The following GNAI1 variants were observed in gnomAD, a reference collection of about 807,000 sequenced individuals.
The protein encoded by GNAI1 is G protein subunit alpha i1.
Under a neutral mutation model 38.9 loss-of-function variants are expected in GNAI1, and 11 were observed. The observed-to-expected ratio is 0.28, with a 90% CI of 0.18 to 0.47. The LOEUF is 0.47. Ranked by LOEUF, GNAI1 falls within the 20% of genes least tolerant of loss-of-function variation. GNAI1 has a pLI of 0.99. For missense variants in GNAI1, 317 were observed against 436.9 expected (o/e 0.73, Z 2.45); for synonymous variants, 166 against 145.1 (o/e 1.14, Z -1.04).
In GNAI1 at chr7:80,137,317, C is replaced by CTTTTTTTT. The variant is rs398005254; in HGVS notation, c.118+2053_118+2060dup. 7.2e-3 allele frequency among the ~76,000 whole-genome samples: 390 copies of CTTTTTTTT among 53,860 alleles called. 15 individuals carry two copies. Among genetic ancestry groups the CTTTTTTTT allele is most frequent in the Middle Eastern group, 0.019 (1 of 52 alleles). 35.3% of individuals were successfully genotyped at this position (53,860 alleles called of 152,430 possible). A position where few individuals can be genotyped will look rare whatever the true frequency, so the allele number is the denominator to read the frequency against. ...TCTTTTTTTTTTTTTCTTTTCTTTT[C>CTTTTTTTT]TTTTTTTTTTTTTTTTTTTTTGAGA... On this transcript the variant is annotated intron_variant, in intron 1 of 7. Transcript: ENST00000649796.
rs151026717 is a variant in GNAI1 at position 80,215,163 on chromosome 7, A to G, written c.875-2140A>G. 6.6e-5 allele frequency among the ~76,000 whole-genome samples: 10 copies of G among 152,278 alleles called. No homozygotes were observed. In the East Asian group the frequency reaches 1.9e-3, roughly 29 times the overall value. ...CAATTCTATCACACATTAAAAAACA[A>G]TCTATCATATTTGCTCTCCTGTCCC... On this transcript the variant is annotated intron_variant, in intron 7 of 7. Coordinates refer to ENST00000649796, the MANE Select transcript of GNAI1 (RefSeq NM_002069.6).
intron 3 of GNAI1, among the ~76,000 whole-genome samples, chr7:80,191,655 G>A (rs1332178323): frequency 2.6e-5 from 4 of 152,120 alleles, no homozygotes; most frequent in African/African-American, 9.7e-5. Context: ...GCCTCCCAAA[G>A]TGCTAGGATT....
At chr7:80,186,987 A>G (rs952606961) in intron 1 of GNAI1, 10 of 152,212 alleles carry the variant, frequency 6.6e-5, no homozygotes, top group Non-Finnish European at 1.0e-4. Context: ...AGATGCCCTG[A>G]AAGATTCAAA....
At chr7:80,155,417 C>A (rs919316623) in intron 1 of GNAI1, among the ~76,000 whole-genome samples, 1 of 152,086 alleles carries the variant, frequency 6.6e-6, no homozygotes, top group Admixed American at 6.6e-5. Context: ...TTTCTTTGGG[C>A]CTCTGTAAGG....
chr7:80,200,464 A>AACCT (rs1788665922), intron 4 of GNAI1, among the ~76,000 whole-genome samples: 1 of 151,946 alleles, frequency 6.6e-6, no homozygotes, highest in Admixed American at 6.6e-5. Flanking sequence ...TTGCTCTTAA[A>AACCT]ACCTATGTTG....
chr7:80,143,285 A>G (rs1787558716), intron 1 of GNAI1, among the ~76,000 whole-genome samples: 1 of 152,202 alleles, frequency 6.6e-6, no homozygotes, highest in South Asian at 2.1e-4. Context: ...AGAAAAAATA[A>G]AATAGATACT....
chr7:80,138,578 C>G (rs1212669018), intron 1 of GNAI1, among the ~76,000 whole-genome samples: 2 of 151,902 alleles, frequency 1.3e-5, no homozygotes, highest in Non-Finnish European at 2.9e-5. Flanking sequence ...ATTTATCATC[C>G]TTTTAAGGGC....
At chr7:80,147,067 T>C (rs904766757) in intron 1 of GNAI1, among the ~76,000 whole-genome samples, 1 of 152,182 alleles carries the variant, frequency 6.6e-6, no homozygotes, top group Non-Finnish European at 1.5e-5. Flanking sequence ...AATGAATCTT[T>C]TATGATTTGG....
chr7:80,151,938 A>T (rs1355644642), intron 1 of GNAI1, among the ~76,000 whole-genome samples: 1 of 152,248 alleles, frequency 6.6e-6, no homozygotes, highest in African/African-American at 2.4e-5. Context: ...CAGAGCTGTT[A>T]GTACATGGCC....
At chr7:80,199,183 A>G in intron 3 of GNAI1, 42 bp from the exon 4 acceptor site, 1 of 1,422,904 alleles carries the variant, frequency 7.0e-7, no homozygotes, top group South Asian at 1.4e-5. Flanking sequence ...TTTATCTCTG[A>G]CGTATCCCTT....
chr7:80,217,719 C>A lies in GNAI1; in HGVS notation c.*226C>A. 3.1e-6 allele frequency: 1 copy of A among 322,704 alleles called. No homozygotes were observed. Among genetic ancestry groups the A allele is most frequent in the Non-Finnish European group, 5.6e-6 (1 of 177,630 alleles). 20.0% of individuals were successfully genotyped at this position (322,704 alleles called of 1,614,324 possible). On this transcript the variant is annotated 3_prime_UTR_variant, in exon 8 of 8. Coordinates refer to ENST00000649796, the MANE Select transcript of GNAI1 (RefSeq NM_002069.6). The stretch of plus-strand genomic sequence containing the variant: ...GTGAAACTGAAGGACAGTGTTAAAG[C>A]TGGGCTCTAGTATATTGATGATTTC...
rs958852905 is a variant in GNAI1, at chr7:80,223,583, A to G, written c.*6090A>G. The stretch of plus-strand genomic sequence containing the variant: ...GCTCTATCTTTAATTTCTATTAAAT[A>G]GTACTGAGGTATCAATTTTGTAGCT... On this transcript the variant is annotated 3_prime_UTR_variant, in exon 8 of 8. Transcript: ENST00000649796. 6.6e-5 allele frequency among the ~76,000 whole-genome samples: 10 copies of G among 152,232 alleles called. No homozygotes were observed. The highest frequency in any genetic ancestry group is 1.5e-4 in the Non-Finnish European group (10 of 68,028).
intron 1 of GNAI1, among the ~76,000 whole-genome samples, chr7:80,149,713 A>T (rs1162851989): frequency 6.6e-6 from 1 of 151,864 alleles, no homozygotes; most frequent in African/African-American, 2.4e-5. Context: ...TGATTTTGTT[A>T]TTTTTTCACC....
chr7:80,212,356 A>G (rs192169437), intron 6 of GNAI1, among the ~76,000 whole-genome samples: 3 of 152,240 alleles, frequency 2.0e-5, no homozygotes, highest in Admixed American at 6.5e-5. Context: ...AAAAACCTCT[A>G]TTTATCTTCT....
rs554246185 is a variant in GNAI1, at chr7:80,143,878, C to G, written c.118+8600C>G. Among the ~76,000 whole-genome samples, 4 of 151,144 alleles carry G rather than the reference C, an allele frequency of 2.6e-5. No individual in the cohort carries two copies. In the South Asian group the frequency reaches 8.4e-4, roughly 32 times the overall value. The stretch of plus-strand genomic sequence containing the variant: ...CATTTGTGGTCATAGACATTAAATT[C>G]TTTTTATTGGCTTTTCTTAGCAAGG... On this transcript the variant is annotated intron_variant, in intron 1 of 7. Transcript: ENST00000649796.
In GNAI1 at chr7:80,156,117, G is replaced by A. The variant is rs1425359957; in HGVS notation, c.118+20839G>A. ...GCAAGCAAGTCTGCCTCTCTTCCTC[G>A]TGAAATTCAAAAACTAAGAGCTGTT... On this transcript the variant is annotated intron_variant, in intron 1 of 7. Coordinates refer to ENST00000649796, the MANE Select transcript of GNAI1 (RefSeq NM_002069.6). 2.0e-5 allele frequency among the ~76,000 whole-genome samples: 3 copies of A among 151,352 alleles called. No homozygotes were observed. The East Asian group carries it at 5.8e-4, about 29-fold the overall frequency.
chr7:80,140,144 C>T (rs983371687), intron 1 of GNAI1, among the ~76,000 whole-genome samples: 2 of 151,994 alleles, frequency 1.3e-5, no homozygotes, highest in South Asian at 2.1e-4. Context: ...CCACCACGCC[C>T]GGCTAATTTT....
At chr7:80,155,144 A>C (rs552679078) in intron 1 of GNAI1, among the ~76,000 whole-genome samples, 6 of 152,314 alleles carry the variant, frequency 3.9e-5, no homozygotes, top group African/African-American at 1.4e-4. Flanking sequence ...ATGTGGGATT[A>C]TGCAATTTTT....
intron 1 of GNAI1, among the ~76,000 whole-genome samples, chr7:80,158,114 G>A (rs992959270): frequency 2.0e-5 from 3 of 152,274 alleles, no homozygotes; most frequent in Middle Eastern, 3.4e-3. Context: ...TATTGTTTCT[G>A]TGTTGATTAT....
Sources: allele counts gnomAD v4.1 joint callset (sites outside exome capture counted in the v4.1 genomes callset), GRCh38; gene constraint gnomAD v4.1.1; transcripts MANE v1.5; gene names NCBI Gene and HGNC (gene_info 2026-07-23, HGNC 2026-07-21).